Variants in CLCN4 observed in about 807,000 individuals in gnomAD.
CLCN4 encodes the protein H(+)/Cl(-) exchange transporter 4.
CLCN4 carries 1 observed loss-of-function variant against 41.7 expected under a neutral mutation model. The ratio of observed to expected loss-of-function variants is 0.02; its 90% CI spans 0.01 to 0.11. The LOEUF (loss-of-function observed/expected upper bound fraction) is 0.11. CLCN4 is among the 10% of genes least tolerant of loss of function. The pLI is 1.00. For synonymous variants in CLCN4, 277 were observed against 285.8 expected, an observed-to-expected ratio of 0.97 and a Z score of 0.31; for missense variants, 287 against 661.0, an observed-to-expected ratio of 0.43 and a Z score of 6.20.
At chrX:10,163,380 A>G (rs1297530789) in intron 2 of CLCN4, among the ~76,000 whole-genome samples, 1 of 92,942 alleles carries the variant, frequency 1.1e-5, no homozygotes, top group Non-Finnish European at 2.2e-5. Context: ...TTTTTTTGTG[A>G]TAAGTATTTT....
Position 10,233,804 on chromosome X carries a change from T to G in CLCN4, c.*220T>G. The G allele has an allele frequency of 5.3e-6, 2 of 379,188 alleles. No individual in the cohort carries two copies. The highest frequency in any genetic ancestry group is 9.2e-5 in the East Asian group (2 of 21,699). 31.2% of individuals were successfully genotyped at this position (379,188 alleles called of 1,213,427 possible). A position where few individuals can be genotyped will look rare whatever the true frequency, so the allele number is the denominator to read the frequency against. On this transcript the variant is annotated 3_prime_UTR_variant, in exon 13 of 13. Coordinates refer to ENST00000380833, the MANE Select transcript of CLCN4 (RefSeq NM_001830.4). ...TTAACCCCGTATGAGTTTCAAGCTGTGTTTCCTAATGAGTTTGCTACTGCT... is the reference window on the plus strand; with the variant it reads ...TTAACCCCGTATGAGTTTCAAGCTGGGTTTCCTAATGAGTTTGCTACTGCT...
rs1421652934 is a variant in CLCN4, at chrX:10,234,961, G to T, written c.*1377G>T. 9.0e-6 allele frequency: 1 copy of T among 111,677 alleles called. No homozygotes were observed. The highest frequency in any genetic ancestry group is 1.9e-5 in the Non-Finnish European group (1 of 53,176). The allele number at this position is 111,677 out of a possible 1,213,427, so 9.2% of individuals were successfully genotyped here. On this transcript the variant is annotated 3_prime_UTR_variant, in exon 13 of 13. Coordinates refer to ENST00000380833, the MANE Select transcript of CLCN4 (RefSeq NM_001830.4). ...CTTTGTCCCTTCCTTTTCACTAAGT[G>T]CCCCTCATCCTTTTCAATCTCATTG...
chrX:10,223,833 AC>A (rs1201774110), intron 12 of CLCN4, among the ~76,000 whole-genome samples: 5 of 112,199 alleles, frequency 4.5e-5, no homozygotes, highest in African/African-American at 1.6e-4. Context: ...TAGGTGGTCC[AC>A]AGGGGCCTGG....
At position 10,213,881 on chromosome X, in the gene CLCN4, C is replaced by T. The variant is rs1924635326; in HGVS notation, c.1777C>T (p.Arg593Cys). The T allele has an allele frequency of 8.3e-7, 1 of 1,210,296 alleles. No homozygotes were observed. Among genetic ancestry groups the T allele is most frequent in the Non-Finnish European group, 1.1e-6 (1 of 895,076 alleles). ...FLDVKDEFTH[R>C]TLATDVMRPR... ...TGACGTGAAGGACGAGTTTACTCACCGCACACTGGCCACCGACGTCATGCG... is the reference window on the plus strand; with the variant it reads ...TGACGTGAAGGACGAGTTTACTCACTGCACACTGGCCACCGACGTCATGCG... The change falls in exon 11 of 13, where the codon CGC becomes TGC. Residue 593 changes from arginine to cysteine, a missense_variant. Transcript: ENST00000380833.
chrX:10,207,479 A>G (rs771851752), intron 8 of CLCN4, among the ~76,000 whole-genome samples: 4 of 112,513 alleles, frequency 3.6e-5, no homozygotes, highest in Non-Finnish European at 7.5e-5. Flanking sequence ...GCTGTGAACA[A>G]TACGTACACA....
chrX:10,217,409 G>T (rs1444095027), intron 11 of CLCN4, among the ~76,000 whole-genome samples: 1 of 112,086 alleles, frequency 8.9e-6, no homozygotes, highest in Non-Finnish European at 1.9e-5. Flanking sequence ...TGGGTGCTGA[G>T]CAGCATCCCA....
Position 10,237,599 on chromosome X carries a change from T to G in CLCN4, c.*4015T>G, listed in dbSNP as rs1466541461. On this transcript the variant is annotated 3_prime_UTR_variant, in exon 13 of 13. Transcript: ENST00000380833. ...TAAACGTTGACACCTTATTAAATAT[T>G]AAATGTCTGAACTCTATTTTTAAAA... The G allele has an allele frequency of 8.9e-6, 1 of 111,887 alleles. No homozygotes were observed. Among genetic ancestry groups the G allele is most frequent in the African/African-American group, 3.3e-5 (1 of 30,718 alleles). 9.2% of individuals were successfully genotyped at this position (111,887 alleles called of 1,213,427 possible). A position where few individuals can be genotyped will look rare whatever the true frequency, so the allele number is the denominator to read the frequency against.
chrX:10,226,844 A>C (rs1482818652), intron 12 of CLCN4, among the ~76,000 whole-genome samples: 1 of 110,972 alleles, frequency 9.0e-6, no homozygotes, highest in East Asian at 2.8e-4. Flanking sequence ...CCAAGACTGA[A>C]CCAGGAAGAA....
At chrX:10,186,335 G>A (rs1923810663) in intron 3 of CLCN4, among the ~76,000 whole-genome samples, 1 of 111,397 alleles carries the variant, frequency 9.0e-6, no homozygotes, top group Non-Finnish European at 1.9e-5. Flanking sequence ...AGAGACAGAA[G>A]GGAAGAGGTA....
chrX:10,173,611 G>GCCC (rs1923439250), intron 2 of CLCN4, among the ~76,000 whole-genome samples: 1 of 111,510 alleles, frequency 9.0e-6, no homozygotes, highest in Non-Finnish European at 1.9e-5. Flanking sequence ...ATTTCTGAAG[G>GCCC]CAGCCCGGTC....
intron 12 of CLCN4, among the ~76,000 whole-genome samples, chrX:10,222,789 G>A (rs758168751): frequency 8.9e-6 from 1 of 111,986 alleles, no homozygotes; most frequent in East Asian, 2.8e-4. Flanking sequence ...AGGGGGACAG[G>A]CTTTGCAATT....
At chrX:10,179,241 A>T (rs1410893092) in intron 2 of CLCN4, among the ~76,000 whole-genome samples, 1 of 111,179 alleles carries the variant, frequency 9.0e-6, no homozygotes, top group Non-Finnish European at 1.9e-5. Flanking sequence ...CGAGGGTGAA[A>T]GGGGCCGGTG....
chrX:10,166,446 C>T (rs1198851087), intron 2 of CLCN4, among the ~76,000 whole-genome samples: 3 of 111,540 alleles, frequency 2.7e-5, no homozygotes, highest in African/African-American at 9.8e-5. Context: ...TTTAATTAAG[C>T]TATTCTCACA....
At chrX:10,169,775 CTTTTTCTTTTCTTTTCTTTTTTTTTTT>C in intron 2 of CLCN4, among the ~76,000 whole-genome samples, 1 of 84,989 alleles carries the variant, frequency 1.2e-5, no homozygotes, top group South Asian at 5.7e-4. Context: ...CTTTTTTTTT[CTTTTTCTTTTCTTTTCTTTTTTTTTTT>C]TTTTGAGATA....
chrX:10,189,734 G>T, intron 4 of CLCN4, among the ~76,000 whole-genome samples: 1 of 112,150 alleles, frequency 8.9e-6, no homozygotes, highest in Middle Eastern at 4.6e-3. Context: ...GTTGTCTTCG[G>T]ACTCCCCTCA....
chrX:10,226,472 A>G (rs1924992485), intron 12 of CLCN4, among the ~76,000 whole-genome samples: 1 of 111,707 alleles, frequency 9.0e-6, no homozygotes, highest in Admixed American at 9.5e-5. Context: ...CCCTAACATC[A>G]TAACTAAAAG....
chrX:10,205,660 T>G (rs973340431), intron 6 of CLCN4, among the ~76,000 whole-genome samples: 2 of 102,918 alleles, frequency 1.9e-5, no homozygotes, highest in Non-Finnish European at 4.0e-5. Context: ...CAGGCTACAG[T>G]GTAGTGGCAC....
chrX:10,198,055 A>T lies in CLCN4; in HGVS notation c.549A>T (p.Ile183=). The T allele has an allele frequency of 8.3e-7, 1 of 1,209,141 alleles. No individual in the cohort carries two copies. The highest frequency in any genetic ancestry group is 3.0e-5 in the East Asian group (1 of 33,811). ...VFAPYACGSG[I]PEIKTILSGF... ...CACCATATGCCTGTGGCTCTGGCATACCAGAGGTGAGTTCTGGCTGATTTT... is the reference window on the plus strand; with the variant it reads ...CACCATATGCCTGTGGCTCTGGCATTCCAGAGGTGAGTTCTGGCTGATTTT... The change falls in exon 6 of 13, where the codon ATA becomes ATT. Residue 183 remains isoleucine, a synonymous_variant. Coordinates refer to ENST00000380833, the MANE Select transcript of CLCN4 (RefSeq NM_001830.4).
chrX:10,164,292 C>T (rs1450085593), intron 2 of CLCN4, among the ~76,000 whole-genome samples: 1 of 111,219 alleles, frequency 9.0e-6, no homozygotes, highest in Non-Finnish European at 1.9e-5. Flanking sequence ...GAAGCGTTTG[C>T]GGAAAGCAGG....
Sources: gnomAD v4.1 joint callset for allele counts (sites outside exome capture counted in the v4.1 genomes callset) on GRCh38, gnomAD v4.1.1 for gene constraint, MANE v1.5 for transcripts, NCBI Gene and HGNC (gene_info 2026-07-23, HGNC 2026-07-21) for gene names.